The following TARS3 variants were observed in gnomAD, a reference collection of about 807,000 sequenced individuals.
TARS3 encodes the protein threonine--tRNA ligase 2, cytoplasmic.
Under a neutral mutation model 103.5 loss-of-function variants are expected in TARS3, and 94 were observed. That is an observed-to-expected ratio of 0.91 (90% CI 0.77 to 1.08). TARS3 has a LOEUF of 1.08. TARS3 is among the 50% of genes least tolerant of loss of function. The probability of loss-of-function intolerance (pLI) is 0.00; values close to 1 mark genes in which losing one functional copy is unlikely to be tolerated. For synonymous variants in TARS3, 416 were observed against 355.4 expected, an observed-to-expected ratio of 1.17 and a Z score of -1.92; for missense variants, 952 against 995.2, an observed-to-expected ratio of 0.96 and a Z score of 0.58.
At chr15:101,686,208 G>A (rs1349716527) in intron 10 of TARS3, 146 bp from the exon 11 acceptor site, 1 of 646,740 alleles carries the variant, frequency 1.5e-6, no homozygotes, top group Admixed American at 3.3e-5. Flanking sequence ...AGGTGTGGTG[G>A]TTTCTGGATC....
chr15:101,684,161 T>C lies in TARS3; in HGVS notation c.1564A>G (p.Asn522Asp), dbSNP rs769584879. 3.1e-6 allele frequency: 5 copies of C among 1,614,086 alleles called. No individual in the cohort carries two copies. The South Asian group carries it at 5.5e-5, about 18-fold the overall frequency. The change falls in exon 12 of 19, where the codon AAT (asparagine) becomes GAT (aspartate). Residue 522 changes from asparagine (N) to aspartate (D), a missense_variant. Coordinates refer to ENST00000335968, the MANE Select transcript of TARS3 (RefSeq NM_152334.3). ...CCGCTGAGAGTCCCCGACAGTTCAT[T>C]TCTATGCAGAACTCCAAAATCAGCA... ...RFADFGVLHR[N>D]ELSGTLSGLT...
At chr15:101,666,870 T>A (rs1897599850) in intron 15 of TARS3, among the ~76,000 whole-genome samples, 1 of 152,222 alleles carries the variant, frequency 6.6e-6, no homozygotes, top group South Asian at 2.1e-4. Context: ...TTAAAACATG[T>A]ACTATGATTG....
At chr15:101,697,037 CTT>C (rs1899015830) in intron 10 of TARS3, among the ~76,000 whole-genome samples, 1 of 152,168 alleles carries the variant, frequency 6.6e-6, no homozygotes, top group Admixed American at 6.5e-5. Context: ...AATGTCCCCC[CTT>C]TGTGAATATT....
Position 101,654,200 on chromosome 15 carries a change from T to C in TARS3, c.*382A>G, listed in dbSNP as rs520897. The C allele has an allele frequency of 0.37, 60,316 of 164,238 alleles. 12,118 individuals carry two copies. Among genetic ancestry groups the C allele is most frequent in the Non-Finnish European group, 0.45 (34,978 of 76,878 alleles). 10.2% of individuals were successfully genotyped at this position (164,238 alleles called of 1,614,324 possible). On this transcript the variant is annotated 3_prime_UTR_variant, in exon 19 of 19. Transcript: ENST00000335968. ...AAGTCATAAAAATACCTGAGACATA[T>C]TAGAAAATAAGATTTTCCCTCCTAT... is the stretch of plus-strand genomic sequence containing the variant.
At position 101,675,609 on chromosome 15, in the gene TARS3, C is replaced by A. The variant is rs747303996; in HGVS notation, c.1779G>T (p.Glu593Asp). The A allele has an allele frequency of 6.2e-7, 1 of 1,613,026 alleles. No homozygotes were observed. The highest frequency in any genetic ancestry group is 8.5e-7 in the Non-Finnish European group (1 of 1,179,750). ...NFLGEIEMWN[E>D]AEKQLQNSLM... ...AAGGTGTGTCTCTTACCTTCTCAGC[C>A]TCATTCCACATCTCAATCTCTCCTA... The change falls in exon 13 of 19, where the codon GAG (glutamate) becomes GAT (aspartate). Residue 593 changes from glutamate (E) to aspartate (D), a missense_variant. Transcript: ENST00000335968.
chr15:101,657,133 AGTT>A (rs1315869330), intron 17 of TARS3, 97 bp from the exon 18 acceptor site: 1 of 751,944 alleles, frequency 1.3e-6, no homozygotes, highest in African/African-American at 1.8e-5. Flanking sequence ...ACCTTTGTAT[AGTT>A]CCCTGCTCAC....
chr15:101,654,661 T>C lies in TARS3; in HGVS notation c.2330A>G (p.Glu777Gly), dbSNP rs765465536. 1 of 1,614,150 alleles carries C rather than the reference T, an allele frequency of 6.2e-7. No homozygotes were observed. Among genetic ancestry groups the C allele is most frequent in the Non-Finnish European group, 8.5e-7 (1 of 1,179,974 alleles). The change falls in exon 19 of 19, where the codon GAG becomes GGG. Residue 777 changes from glutamate to glycine, a missense_variant. Glu to Gly is a moderately conservative substitution (Grantham distance 98). Transcript: ENST00000335968. ...ATCAATGGCAGAAGTTACTAAAATC[T>C]CTCCATGAATTTTGTTGTCTCTTGT... is the stretch of plus-strand genomic sequence containing the variant. ...VRTRDNKIHGEILVTSAIDKL... is the reference protein window; with the variant it reads ...VRTRDNKIHGGILVTSAIDKL...
chr15:101,684,688 G>A (rs1347039579), intron 11 of TARS3, among the ~76,000 whole-genome samples: 1 of 152,136 alleles, frequency 6.6e-6, no homozygotes, highest in Non-Finnish European at 1.5e-5. Flanking sequence ...TGAGTTCCAT[G>A]AGGGAATGGT....
At chr15:101,682,840 ACTT>A (rs1370487531) in intron 12 of TARS3, among the ~76,000 whole-genome samples, 6 of 152,182 alleles carry the variant, frequency 3.9e-5, no homozygotes, top group Admixed American at 2.0e-4. Context: ...CAGATGATCT[ACTT>A]CTTCTTGAGT....
In TARS3 at chr15:101,714,773, C is replaced by A. The variant is rs570325458; in HGVS notation, c.690+67G>T. On this transcript the variant is annotated intron_variant, in intron 4 of 18. Transcript: ENST00000335968. ...CAACATTCGTGACTTCAATATGTGG[C>A]CTCTTATATAATGTAGTTTACAACA... 2.2e-4 allele frequency: 316 copies of A among 1,426,776 alleles called. 3 individuals are homozygous for A. The East Asian group carries it at 7.6e-3, about 34-fold the overall frequency. 88.4% of individuals were successfully genotyped at this position (1,426,776 alleles called of 1,614,324 possible). A position where few individuals can be genotyped will look rare whatever the true frequency, so the allele number is the denominator to read the frequency against.
intron 13 of TARS3, among the ~76,000 whole-genome samples, chr15:101,672,423 C>A (rs1468404683): frequency 3.3e-5 from 5 of 152,134 alleles, no homozygotes; most frequent in Admixed American, 6.5e-5. Flanking sequence ...CTGGGAAGCA[C>A]GTGGGCATTC....
chr15:101,671,774 C>T (rs369476416), intron 13 of TARS3, 26 bp from the exon 14 acceptor site: 1 of 1,579,902 alleles, frequency 6.3e-7, no homozygotes, highest in Non-Finnish European at 8.6e-7. Flanking sequence ...AAAAAAGATA[C>T]AATTATACAC....
At chr15:101,673,707 A>G (rs1396265819) in intron 13 of TARS3, among the ~76,000 whole-genome samples, 1 of 152,112 alleles carries the variant, frequency 6.6e-6, no homozygotes, top group Non-Finnish European at 1.5e-5. Context: ...CAGGGTAGAT[A>G]GGCTATCTCA....
At chr15:101,721,079 C>T in intron 3 of TARS3, 47 bp downstream of exon 3, 1 of 1,487,988 alleles carries the variant, frequency 6.7e-7, no homozygotes. Flanking sequence ...CACCAGGCTT[C>T]AGTATAATTA....
chr15:101,724,102 C>T lies in TARS3; in HGVS notation c.286G>A (p.Ala96Thr). Reference sequence around the variant, plus strand: ...CACCGCCCGGTTACCTGTGCGCCGGCCTCCTGCGCCGCCTCTAGCTCCGCG... The same window carrying T: ...CACCGCCCGGTTACCTGTGCGCCGGTCTCCTGCGCCGCCTCTAGCTCCGCG... Reference protein sequence around the residue: ...ESAELEAAQEAGAQPPPSQSQ... With the variant: ...ESAELEAAQETGAQPPPSQSQ... Residue 96 changes from alanine to threonine, a missense_variant, in exon 1 of 19, where the codon GCC (alanine) becomes ACC (threonine). Coordinates refer to ENST00000335968, the MANE Select transcript of TARS3 (RefSeq NM_152334.3). The T allele has an allele frequency of 7.3e-7, 1 of 1,368,478 alleles. No individual in the cohort carries two copies. The highest frequency in any genetic ancestry group is 9.4e-7 in the Non-Finnish European group (1 of 1,062,058). 84.8% of individuals were successfully genotyped at this position (1,368,478 alleles called of 1,614,324 possible). A position where few individuals can be genotyped will look rare whatever the true frequency, so the allele number is the denominator to read the frequency against.
intron 4 of TARS3, among the ~76,000 whole-genome samples, chr15:101,713,242 T>C (rs1899952468): frequency 6.6e-6 from 1 of 152,080 alleles, no homozygotes; most frequent in Non-Finnish European, 1.5e-5. Context: ...CCTGCATTCA[T>C]GGGGACTCGG....
intron 15 of TARS3, among the ~76,000 whole-genome samples, chr15:101,663,177 T>C (rs1014006979): frequency 6.6e-6 from 1 of 152,214 alleles, no homozygotes; most frequent in African/African-American, 2.4e-5. Flanking sequence ...CACGAGATTA[T>C]AAAGAAGCTG....
At chr15:101,723,445 G>A (rs1596335612) in intron 1 of TARS3, among the ~76,000 whole-genome samples, 1 of 152,130 alleles carries the variant, frequency 6.6e-6, no homozygotes, top group Non-Finnish European at 1.5e-5. Context: ...GTTGCTGCCC[G>A]CCACATCAAA....
chr15:101,682,844 C>T (rs1898308047), intron 12 of TARS3, among the ~76,000 whole-genome samples: 1 of 152,136 alleles, frequency 6.6e-6, no homozygotes, highest in Non-Finnish European at 1.5e-5. Context: ...TGATCTACTT[C>T]TTCTTGAGTA....
Sources: allele counts gnomAD v4.1 joint callset (sites outside exome capture counted in the v4.1 genomes callset), GRCh38; gene constraint gnomAD v4.1.1; transcripts MANE v1.5; gene names NCBI Gene and HGNC (gene_info 2026-07-23, HGNC 2026-07-21).